PARP8: variants seen among roughly 807,000 people sequenced by gnomAD.
PARP8 encodes poly(ADP-ribose) polymerase family member 8, also known as protein mono-ADP-ribosyltransferase PARP8.
In PARP8, 51 loss-of-function variants were observed where a neutral mutation model predicts 124.1. That is an observed-to-expected ratio of 0.41 (90% CI 0.33 to 0.52). PARP8 has a LOEUF of 0.52. PARP8 is among the 20% of genes least tolerant of loss of function. The pLI is 0.21. For synonymous variants in PARP8, 391 were observed against 361.5 expected, an observed-to-expected ratio of 1.08 and a Z score of -0.93; for missense variants, 860 against 1,018.9, an observed-to-expected ratio of 0.84 and a Z score of 2.12.
intron 3 of PARP8, among the ~76,000 whole-genome samples, chr5:50,756,658 A>G (rs534430342): frequency 9.7e-4 from 148 of 152,268 alleles, no homozygotes; most frequent in African/African-American, 3.3e-3. Flanking sequence ...AAGCTTGATT[A>G]TAGTCAAGTT....
intron 17 of PARP8, among the ~76,000 whole-genome samples, chr5:50,823,612 A>G (rs372546579): frequency 6.6e-6 from 1 of 152,248 alleles, no homozygotes; most frequent in Non-Finnish European, 1.5e-5. Context: ...AATATCTTAT[A>G]CAAAATCATA....
At chr5:50,727,323 T>C (rs995806971) in intron 2 of PARP8, among the ~76,000 whole-genome samples, 2 of 152,078 alleles carry the variant, frequency 1.3e-5, no homozygotes, top group African/African-American at 2.4e-5. Context: ...GTTGTTGGAG[T>C]GTACCCAGTC....
At chr5:50,671,985 T>C (rs1750080425) in intron 2 of PARP8, among the ~76,000 whole-genome samples, 1 of 152,172 alleles carries the variant, frequency 6.6e-6, no homozygotes, top group Non-Finnish European at 1.5e-5. Flanking sequence ...TCTAGATAAA[T>C]AGCACGCGTG....
In PARP8 at chr5:50,824,974, T is replaced by C; in HGVS notation, c.1927T>C (p.Trp643Arg). The C allele has an allele frequency of 1.2e-6, 2 of 1,608,456 alleles. No individual in the cohort carries two copies. The highest frequency in any genetic ancestry group is 1.7e-6 in the Non-Finnish European group (2 of 1,175,642). The change falls in exon 18 of 26, where the codon TGG becomes CGG. Residue 643 changes from tryptophan (W) to arginine (R), a missense_variant and splice_region_variant. Transcript: ENST00000281631. ...CCCCCTTGCTCATCCCTTACTGCAA[T>C]GGTATAAAATTCTAGTTTTCCTCTT... The part of the protein sequence containing the change: ...QDPLAHPLLQ[W>R]VISSNRSHIV...
intron 2 of PARP8, among the ~76,000 whole-genome samples, chr5:50,722,797 C>T (rs1001353563): frequency 6.6e-6 from 1 of 151,964 alleles, no homozygotes; most frequent in African/African-American, 2.4e-5. Context: ...CTCTCCTAAC[C>T]CTGTAATGTG....
At chr5:50,827,863 C>T in intron 19 of PARP8, 81 bp from the exon 20 acceptor site, 4 of 1,024,286 alleles carry the variant, frequency 3.9e-6, no homozygotes, top group Admixed American at 3.8e-5. Context: ...AATTCTTAAA[C>T]CAATAAAATT....
chr5:50,830,154 GA>G (rs1236797926), intron 22 of PARP8, among the ~76,000 whole-genome samples, 193 bp downstream of exon 22: 4 of 152,106 alleles, frequency 2.6e-5, no homozygotes, highest in African/African-American at 7.2e-5. Context: ...GTACAAGATG[GA>G]ATATATGTTT....
intron 9 of PARP8, 74 bp downstream of exon 9, chr5:50,778,724 T>A: frequency 1.1e-6 from 1 of 923,302 alleles, no homozygotes; most frequent in Non-Finnish European, 1.6e-6. Flanking sequence ...AAATGCGTGT[T>A]CATTTGTCAG....
intron 2 of PARP8, among the ~76,000 whole-genome samples, chr5:50,677,626 A>G (rs1750786214): frequency 6.6e-6 from 1 of 152,086 alleles, no homozygotes; most frequent in South Asian, 2.1e-4. Context: ...TTTTTTTGTA[A>G]TCATATTGCT....
chr5:50,824,615 G>C (rs1466323200), intron 17 of PARP8, among the ~76,000 whole-genome samples: 1 of 152,128 alleles, frequency 6.6e-6, no homozygotes, highest in Non-Finnish European at 1.5e-5. Context: ...CTCAACAGGG[G>C]GCTGGAGAGT....
At position 50,708,623 on chromosome 5, in the gene PARP8, T is replaced by A. The variant is rs529587919; in HGVS notation, c.146+40498T>A. On this transcript the variant is annotated intron_variant, in intron 2 of 25. Coordinates refer to ENST00000281631, the MANE Select transcript of PARP8 (RefSeq NM_024615.4). ...TTTATATGTAACTTACCTTTGTATATCTTTGAAGTTTATCAAATCTCTTTT... is the reference window on the plus strand; with the variant it reads ...TTTATATGTAACTTACCTTTGTATAACTTTGAAGTTTATCAAATCTCTTTT... 5.9e-5 allele frequency among the ~76,000 whole-genome samples: 9 copies of A among 152,246 alleles called. No individual in the cohort carries two copies. The Middle Eastern group carries it at 0.01, about 173-fold the overall frequency.
chr5:50,777,061 C>A (rs1000519378), intron 7 of PARP8, among the ~76,000 whole-genome samples: 1 of 152,172 alleles, frequency 6.6e-6, no homozygotes, highest in African/African-American at 2.4e-5. Context: ...AATGCTTGAC[C>A]TGGTTTCCAA....
chr5:50,754,524 T>TA (rs1365492805), intron 3 of PARP8, among the ~76,000 whole-genome samples: 5 of 152,272 alleles, frequency 3.3e-5, no homozygotes, highest in Admixed American at 3.3e-4. Flanking sequence ...CATCATTTTT[T>TA]ATGGCTGCAT....
chr5:50,685,221 A>G (rs987392694), intron 2 of PARP8, among the ~76,000 whole-genome samples: 11 of 152,228 alleles, frequency 7.2e-5, no homozygotes, highest in African/African-American at 2.7e-4. Context: ...TCATTTGCTA[A>G]TGACAGAATA....
At chr5:50,825,657 C>T (rs773180728) in intron 18 of PARP8, among the ~76,000 whole-genome samples, 5 of 152,088 alleles carry the variant, frequency 3.3e-5, no homozygotes, top group Non-Finnish European at 5.9e-5. Context: ...ACTCAACATC[C>T]CTTATAAGGG....
intron 2 of PARP8, among the ~76,000 whole-genome samples, chr5:50,729,887 A>G (rs1328168531): frequency 1.3e-5 from 2 of 152,194 alleles, no homozygotes; most frequent in African/African-American, 4.8e-5. Context: ...AACATTTTCT[A>G]TCTTTTATTA....
chr5:50,760,376 A>G lies in PARP8; in HGVS notation c.345+14A>G. On this transcript the variant is annotated intron_variant, in intron 5 of 25. Coordinates refer to ENST00000281631, the MANE Select transcript of PARP8 (RefSeq NM_024615.4). ...GAAAATGGGGAGGTATGTAAATTAT[A>G]TTTTTTATTTTCTTGAAACAGTATA... 6.7e-7 allele frequency: 1 copy of G among 1,488,680 alleles called. No homozygotes were observed. Among genetic ancestry groups the G allele is most frequent in the Non-Finnish European group, 9.1e-7 (1 of 1,094,694 alleles). 92.2% of individuals were successfully genotyped at this position (1,488,680 alleles called of 1,614,324 possible).
chr5:50,818,474 C>G (rs1207655670), intron 15 of PARP8, among the ~76,000 whole-genome samples: 6 of 152,198 alleles, frequency 3.9e-5, no homozygotes, highest in Non-Finnish European at 7.3e-5. Flanking sequence ...AAGGGATCCT[C>G]CCGCCTCAGC....
At position 50,842,407 on chromosome 5, in the gene PARP8, T is replaced by G; in HGVS notation, c.*339T>G. The G allele has an allele frequency of 5.2e-6, 1 of 192,928 alleles. No individual in the cohort carries two copies. The highest frequency in any genetic ancestry group is 9.1e-5 in the South Asian group (1 of 10,932). 12.0% of individuals were successfully genotyped at this position (192,928 alleles called of 1,614,324 possible). On this transcript the variant is annotated 3_prime_UTR_variant, in exon 26 of 26. Transcript: ENST00000281631. The stretch of plus-strand genomic sequence containing the variant: ...GATATTTGGTATTATATACCGACAT[T>G]TTAGGTTACCAAAATAGAATTGAGA...
Sources: gnomAD v4.1 joint callset for allele counts (sites outside exome capture counted in the v4.1 genomes callset) on GRCh38, gnomAD v4.1.1 for gene constraint, MANE v1.5 for transcripts, NCBI Gene and HGNC (gene_info 2026-07-23, HGNC 2026-07-21) for gene names.